TMPRSS11A: variants seen among roughly 807,000 people sequenced by gnomAD.
The protein encoded by TMPRSS11A is transmembrane protease serine 11A.
A neutral mutation model predicts 58.9 loss-of-function variants in TMPRSS11A; 53 were observed. The ratio of observed to expected loss-of-function variants is 0.90; its 90% CI spans 0.72 to 1.13. The LOEUF (loss-of-function observed/expected upper bound fraction) is 1.13. Among genes scored for constraint, TMPRSS11A ranks in the 50% most tolerant of loss-of-function variants. The pLI is 0.00. For synonymous variants in TMPRSS11A, 167 were observed against 169.8 expected, an observed-to-expected ratio of 0.98 and a Z score of 0.13; for missense variants, 493 against 499.3, an observed-to-expected ratio of 0.99 and a Z score of 0.12.
chr4:67,936,334 G>T (rs1205981833), intron 3 of TMPRSS11A, among the ~76,000 whole-genome samples: 5 of 142,894 alleles, frequency 3.5e-5, no homozygotes, highest in South Asian at 2.2e-4. Context: ...AACTCTAGGT[G>T]TTTTTTTTTT....
At position 67,922,867 on chromosome 4, in the gene TMPRSS11A, G is replaced by C; in HGVS notation, c.580C>G (p.Pro194Ala). The change falls in exon 7 of 10, where the codon CCC becomes GCC. Residue 194 changes from proline (P) to alanine (A), a missense_variant. By Grantham distance (27) the Pro-to-Ala change is conservative (BLOSUM62 -1). Transcript: ENST00000508048. The part of the protein sequence containing the change: ...VNRIASGVIA[P>A]KAAWPWQASL... ...GCTTGCCAAGGCCAGGCCGCCTTGG[G>C]TGCAATGACTCCAGATGCTATTCTG... 1 of 1,614,094 alleles carries C rather than the reference G, an allele frequency of 6.2e-7. No homozygotes were observed. Among genetic ancestry groups the C allele is most frequent in the Non-Finnish European group, 8.5e-7 (1 of 1,179,998 alleles).
At chr4:67,963,290 A>T in intron 1 of TMPRSS11A, 93 bp downstream of exon 1, 119 of 1,195,004 alleles carry the variant, frequency 1.0e-4, no homozygotes, top group Non-Finnish European at 1.3e-4. Context: ...TCCACCAAAG[A>T]CACCTCACTA....
chr4:67,921,541 T>C (rs1270724942), intron 7 of TMPRSS11A, among the ~76,000 whole-genome samples: 1 of 152,054 alleles, frequency 6.6e-6, no homozygotes, highest in East Asian at 1.9e-4. Flanking sequence ...ACTCCTGAGC[T>C]CAAGTGGTCC....
chr4:67,935,944 A>G (rs1720741866), intron 3 of TMPRSS11A, among the ~76,000 whole-genome samples: 1 of 152,124 alleles, frequency 6.6e-6, no homozygotes, highest in Non-Finnish European at 1.5e-5. Context: ...TCTGCCATAT[A>G]TGCACCAAGC....
intron 9 of TMPRSS11A, 22 bp from the exon 10 acceptor site, chr4:67,911,525 AAAAG>A (rs1719981021): frequency 1.3e-6 from 2 of 1,585,734 alleles, no homozygotes; most frequent in Non-Finnish European, 1.7e-6. Flanking sequence ...AACATAAGAA[AAAAG>A]AAAGAAAATT....
intron 6 of TMPRSS11A, among the ~76,000 whole-genome samples, chr4:67,923,270 TACC>T (rs1720380194): frequency 6.6e-6 from 1 of 152,218 alleles, no homozygotes; most frequent in South Asian, 2.1e-4. Context: ...TTCACAATGG[TACC>T]ACCAACTCCT....
At chr4:67,953,131 G>C (rs1256866068) in intron 1 of TMPRSS11A, among the ~76,000 whole-genome samples, 1 of 152,254 alleles carries the variant, frequency 6.6e-6, no homozygotes, top group Non-Finnish European at 1.5e-5. Flanking sequence ...TGCCTCTGCT[G>C]ATCTAACAGG....
At chr4:67,957,363 C>T (rs1721313236) in intron 1 of TMPRSS11A, among the ~76,000 whole-genome samples, 1 of 152,150 alleles carries the variant, frequency 6.6e-6, no homozygotes, top group Non-Finnish European at 1.5e-5. Flanking sequence ...GACCAAAAAC[C>T]TGATAGTGAT....
At chr4:67,943,037 G>C (rs201344824) in intron 3 of TMPRSS11A, among the ~76,000 whole-genome samples, 1 of 33,342 alleles carries the variant, frequency 3.0e-5, no homozygotes, top group East Asian at 2.7e-4. Context: ...TTTCCTGCAA[G>C]GGGGGAGGGT....
intron 8 of TMPRSS11A, among the ~76,000 whole-genome samples, chr4:67,918,471 G>A (rs1720220025): frequency 6.6e-6 from 1 of 152,152 alleles, no homozygotes; most frequent in Admixed American, 6.5e-5. Flanking sequence ...ATTTGAGTTA[G>A]CCACTCAATC....
At chr4:67,961,617 T>G (rs1721432444) in intron 1 of TMPRSS11A, among the ~76,000 whole-genome samples, 3 of 150,974 alleles carry the variant, frequency 2.0e-5, no homozygotes, top group Admixed American at 2.0e-4. Flanking sequence ...TTGAAGTGAT[T>G]TTCTTGCCTC....
intron 1 of TMPRSS11A, among the ~76,000 whole-genome samples, chr4:67,954,522 C>A (rs1982191): frequency 0.019 from 2,825 of 152,298 alleles, 96 homozygotes; most frequent in African/African-American, 0.063. Flanking sequence ...TAGCTGTATC[C>A]TGAGCTATGA....
At chr4:67,930,808 C>CTTTTTTTTTT (rs67302217) in intron 4 of TMPRSS11A, among the ~76,000 whole-genome samples, 14 of 51,160 alleles carry the variant, frequency 2.7e-4, no homozygotes, top group Non-Finnish European at 4.2e-4. Context: ...GTTATCTCTC[C>CTTTTTTTTTT]TTTTTTTTTT....
chr4:67,920,557 T>A (rs960668018), intron 7 of TMPRSS11A, among the ~76,000 whole-genome samples: 35 of 137,066 alleles, frequency 2.6e-4, no homozygotes, highest in East Asian at 7.5e-4. Flanking sequence ...ATATTTTTTT[T>A]TATATATACA....
Position 67,922,806 on chromosome 4 carries a change from G to A in TMPRSS11A, c.641C>T (p.Ala214Val), listed in dbSNP as rs200384692. The change falls in exon 7 of 10, where the codon GCC (alanine) becomes GTC (valine). Residue 214 changes from alanine (A) to valine (V), a missense_variant. Coordinates refer to ENST00000508048, the MANE Select transcript of TMPRSS11A (RefSeq NM_001114387.2). ...LQYDNIHQCG[A>V]TLISNTWLVT... The stretch of plus-strand genomic sequence containing the variant: ...AAGCCATGTGTTACTAATCAAGGTG[G>A]CCCCACACTGATGGATGTTATCATA... 200 of 1,614,090 alleles carry A rather than the reference G, an allele frequency of 1.2e-4. No homozygotes were observed. In the East Asian group the frequency reaches 3.9e-3, roughly 32 times the overall value.
chr4:67,943,598 G>A (rs1266318444), intron 3 of TMPRSS11A, among the ~76,000 whole-genome samples: 1 of 152,132 alleles, frequency 6.6e-6, no homozygotes, highest in African/African-American at 2.4e-5. Context: ...GCATGTGAAA[G>A]AATGCAGAAT....
intron 3 of TMPRSS11A, among the ~76,000 whole-genome samples, chr4:67,941,430 G>C (rs1720876758): frequency 6.6e-6 from 1 of 152,088 alleles, no homozygotes; most frequent in Admixed American, 6.5e-5. Context: ...ACCCTTGTTT[G>C]GTTTTGAAGT....
intron 9 of TMPRSS11A, among the ~76,000 whole-genome samples, chr4:67,914,047 G>A (rs1380927139): frequency 6.6e-6 from 1 of 152,182 alleles, no homozygotes; most frequent in Non-Finnish European, 1.5e-5. Context: ...TCCTCCTCAT[G>A]CTGAGACCCA....
chr4:67,946,672 C>T (rs1445457596), intron 1 of TMPRSS11A, 101 bp from the exon 2 acceptor site: 6 of 1,219,220 alleles, frequency 4.9e-6, no homozygotes, highest in Non-Finnish European at 6.6e-6. Flanking sequence ...CTACCTTTCC[C>T]TGCAAAAAGG....
Sources: allele counts gnomAD v4.1 joint callset (sites outside exome capture counted in the v4.1 genomes callset), GRCh38; gene constraint gnomAD v4.1.1; transcripts MANE v1.5; gene names NCBI Gene and HGNC (gene_info 2026-07-23, HGNC 2026-07-21).